The following GSE1 variants were observed in gnomAD, a reference collection of about 807,000 sequenced individuals.
The protein encoded by GSE1 is Gse1 coiled-coil protein, also known as genetic suppressor element 1.
In GSE1, 32 loss-of-function variants were observed where a neutral mutation model predicts 112.6. The observed-to-expected ratio is 0.28, with a 90% CI of 0.21 to 0.38. The LOEUF is 0.38. Ranked by LOEUF, GSE1 falls within the 10% of genes least tolerant of loss-of-function variation. The pLI is 1.00. For missense variants in GSE1, 2,348 were observed against 1,699.2 expected, an observed-to-expected ratio of 1.38 and a Z score of -6.71; for synonymous variants, 1,115 against 735.6, an observed-to-expected ratio of 1.52 and a Z score of -8.35.
At chr16:85,468,866 G>A (rs756015295) in intron 2 of GSE1, among the ~76,000 whole-genome samples, 3 of 152,224 alleles carry the variant, frequency 2.0e-5, no homozygotes, top group Admixed American at 1.3e-4. Flanking sequence ...CAAAATTCAC[G>A]TCTACCAGGA....
At chr16:85,480,163 A>G (rs1216695044) in intron 2 of GSE1, among the ~76,000 whole-genome samples, 7 of 152,232 alleles carry the variant, frequency 4.6e-5, no homozygotes, top group Non-Finnish European at 1.0e-4. Flanking sequence ...GTAAGGAGCC[A>G]GGGTCATCGG....
At chr16:85,616,764 C>G (rs2048396414) in intron 1 of GSE1, among the ~76,000 whole-genome samples, 1 of 152,134 alleles carries the variant, frequency 6.6e-6, no homozygotes, top group African/African-American at 2.4e-5. Flanking sequence ...GCTGGCTTCA[C>G]TTCCGCATGC....
chr16:85,518,936 T>C (rs937988864), intron 2 of GSE1, among the ~76,000 whole-genome samples: 23 of 152,146 alleles, frequency 1.5e-4, no homozygotes, highest in Non-Finnish European at 8.8e-5. Flanking sequence ...GTTTTTCTTC[T>C]CTGGACCTGG....
At chr16:85,519,025 C>T (rs2052048601) in intron 2 of GSE1, among the ~76,000 whole-genome samples, 1 of 152,186 alleles carries the variant, frequency 6.6e-6, no homozygotes, top group Non-Finnish European at 1.5e-5. Context: ...GCCTCCCTCA[C>T]CATGTATGGC....
chr16:85,251,100 A>G (rs968817066), intron 1 of GSE1, among the ~76,000 whole-genome samples: 4 of 152,150 alleles, frequency 2.6e-5, no homozygotes, highest in Non-Finnish European at 4.4e-5. Context: ...CTGGGCTGTT[A>G]TGAATCACCC....
intron 1 of GSE1, among the ~76,000 whole-genome samples, chr16:85,575,385 T>C (rs890720067): frequency 1.2e-4 from 18 of 152,102 alleles, no homozygotes; most frequent in African/African-American, 3.9e-4. Context: ...GATTATTTCA[T>C]TGGAAGGAAT....
chr16:85,366,144 G>C (rs1440134813), intron 2 of GSE1, among the ~76,000 whole-genome samples: 1 of 152,292 alleles, frequency 6.6e-6, no homozygotes, highest in African/African-American at 2.4e-5. Context: ...CTCGGGTACT[G>C]GGCTCCGGCC....
intron 2 of GSE1, among the ~76,000 whole-genome samples, chr16:85,457,543 G>A (rs1309743335): frequency 6.6e-6 from 1 of 152,232 alleles, no homozygotes; most frequent in Admixed American, 6.5e-5. Context: ...GGACCTGGTG[G>A]AGGCTGAGCT....
At chr16:85,525,811 C>A (rs1404453789) in intron 2 of GSE1, among the ~76,000 whole-genome samples, 1 of 152,190 alleles carries the variant, frequency 6.6e-6, no homozygotes, top group East Asian at 1.9e-4. Context: ...TATAATGCCA[C>A]CCACATCCCA....
intron 2 of GSE1, among the ~76,000 whole-genome samples, chr16:85,381,059 G>T (rs4783180): frequency 0.045 from 6,918 of 152,220 alleles, 513 homozygotes; most frequent in African/African-American, 0.16. Context: ...AAAACATTTC[G>T]TCACCCCAAA....
intron 1 of GSE1, among the ~76,000 whole-genome samples, chr16:85,213,900 A>G (rs1427499716): frequency 4.6e-5 from 7 of 152,244 alleles, no homozygotes; most frequent in Admixed American, 2.0e-4. Context: ...GTGCCAGGTC[A>G]GTCACGTGGG....
chr16:85,315,912 G>A (rs752139362), intron 1 of GSE1, among the ~76,000 whole-genome samples: 6 of 151,118 alleles, frequency 4.0e-5, no homozygotes, highest in Non-Finnish European at 8.8e-5. Flanking sequence ...GCCAGAGCAC[G>A]GTGAAGCCCT....
At chr16:85,296,579 C>G (rs781531753) in intron 1 of GSE1, among the ~76,000 whole-genome samples, 28 of 152,182 alleles carry the variant, frequency 1.8e-4, no homozygotes, top group Admixed American at 1.3e-4. Context: ...TGCACTCCAG[C>G]CGGAGTGACA....
At chr16:85,509,055 G>A (rs558632087) in intron 2 of GSE1, among the ~76,000 whole-genome samples, 16 of 152,346 alleles carry the variant, frequency 1.1e-4, no homozygotes, top group Non-Finnish European at 1.9e-4. Context: ...ACCTGAGGAA[G>A]AGGAGGGATC....
intron 1 of GSE1, among the ~76,000 whole-genome samples, chr16:85,259,077 C>T (rs761047057): frequency 7.2e-5 from 11 of 152,168 alleles, no homozygotes; most frequent in Admixed American, 1.3e-4. Flanking sequence ...GGGCCTTGAC[C>T]TCTGCCCGGG....
chr16:85,661,295 C>T lies in GSE1; in HGVS notation c.1790C>T (p.Thr597Met), dbSNP rs201742413. ...PVSLMDNTLETRRAESHSLHS... is the reference protein window; with the variant it reads ...PVSLMDNTLEMRRAESHSLHS... ...TCCCTGATGGACAACACCTTGGAGA[C>T]GCGGCGGGCCGAAAGCCACTCTCTG... is the stretch of plus-strand genomic sequence containing the variant. The change falls in exon 9 of 16, where the codon ACG becomes ATG. Residue 597 changes from threonine (T) to methionine (M), a missense_variant. Transcript: ENST00000253458. The T allele has an allele frequency of 2.5e-5, 40 of 1,612,844 alleles. 1 individual carries two copies. The African/African-American group carries it at 2.5e-4, about 10-fold the overall frequency.
intron 2 of GSE1, among the ~76,000 whole-genome samples, chr16:85,453,557 G>A (rs889156647): frequency 1.3e-5 from 2 of 152,088 alleles, no homozygotes; most frequent in African/African-American, 2.4e-5. Flanking sequence ...TGGTGACCCT[G>A]GGGCTGGGTG....
intron 2 of GSE1, among the ~76,000 whole-genome samples, chr16:85,495,429 TTTTATTTA>T (rs67017375): frequency 0.4 from 58,585 of 144,988 alleles, 12,034 homozygotes; most frequent in Middle Eastern, 0.47. Context: ...GCTGGGAACA[TTTTATTTA>T]TTTATTTATT....
At chr16:85,609,231 C>T (rs533195298), upstream of GSE1, among the ~76,000 whole-genome samples, 1 of 152,306 alleles carries the variant, frequency 6.6e-6, no homozygotes, top group African/African-American at 2.4e-5. Context: ...TCCCTTGCCG[C>T]CCCCACCTTT....
Sources: gnomAD v4.1 joint callset for allele counts (sites outside exome capture counted in the v4.1 genomes callset) on GRCh38, gnomAD v4.1.1 for gene constraint, MANE v1.5 for transcripts, NCBI Gene and HGNC (gene_info 2026-07-23, HGNC 2026-07-21) for gene names.